CFB: variants seen among roughly 807,000 people sequenced by gnomAD.
CFB encodes B-factor, properdin.
Under a neutral mutation model 97.2 loss-of-function variants are expected in CFB, and 59 were observed. The ratio of observed to expected loss-of-function variants is 0.61; its 90% CI spans 0.49 to 0.75. The LOEUF is 0.75. Ranked by LOEUF, CFB falls within the 30% of genes least tolerant of loss-of-function variation. The pLI, the probability that CFB is intolerant of heterozygous loss-of-function variation, is 0.00. For missense variants in CFB, 771 were observed against 959.8 expected, an observed-to-expected ratio of 0.80 and a Z score of 2.60; for synonymous variants, 316 against 351.7, an observed-to-expected ratio of 0.90 and a Z score of 1.14.
chr6:31,947,374 C>A lies in CFB; in HGVS notation c.511C>A (p.Pro171Thr), dbSNP rs1418127711. ...GGGGTACTGCTCCAACCCGGGCATC[C>A]CCATTGGCACAAGGAAGGTGGGCAG... The part of the protein sequence containing the change: ...GAGYCSNPGI[P>T]IGTRKVGSQY... The change falls in exon 4 of 18, where the codon CCC (proline) becomes ACC (threonine). Residue 171 changes from proline to threonine, a missense_variant. Coordinates refer to ENST00000425368, the MANE Select transcript of CFB (RefSeq NM_001710.6). The surrounding 1 kb of genome is among the most constrained non-coding windows in gnomAD (Gnocchi z 5.3). 2 of 1,613,018 alleles carry A rather than the reference C, an allele frequency of 1.2e-6. No homozygotes were observed. Among genetic ancestry groups the A allele is most frequent in the Non-Finnish European group, 1.7e-6 (2 of 1,180,008 alleles).
chr6:31,950,459 C>T, intron 12 of CFB, 56 bp downstream of exon 12: 3 of 1,570,640 alleles, frequency 1.9e-6, no homozygotes, highest in Non-Finnish European at 2.6e-6. Context: ...GCAACACCTC[C>T]CACTTTCTAC....
Position 31,946,137 on chromosome 6 carries a change from G to A in CFB, c.-85G>A, listed in dbSNP as rs1273767518. ...AGGTCTAGGTCTGGAGTTTCAGCTTGGACACTGAGCCAAGCAGACAAGCAA... is the reference window on the plus strand; with the variant it reads ...AGGTCTAGGTCTGGAGTTTCAGCTTAGACACTGAGCCAAGCAGACAAGCAA... On this transcript the variant is annotated 5_prime_UTR_variant, in exon 1 of 18. Coordinates refer to ENST00000425368, the MANE Select transcript of CFB (RefSeq NM_001710.6). This position sits in a 1 kb window ranked among gnomAD's most constrained non-coding sequence, Gnocchi z 6.4. The A allele has an allele frequency of 7.2e-7, 1 of 1,393,806 alleles. No homozygotes were observed. The highest frequency in any genetic ancestry group is 1.4e-5 in the African/African-American group (1 of 70,382). The allele number at this position is 1,393,806 out of a possible 1,614,324, so 86.3% of individuals were successfully genotyped here.
intron 9 of CFB, 33 bp downstream of exon 9, chr6:31,949,377 T>C (rs1260308269): frequency 3.1e-6 from 5 of 1,614,168 alleles, no homozygotes; most frequent in Non-Finnish European, 3.4e-6. Flanking sequence ...AGCACCCCAC[T>C]TCCTCAGGGC....
At chr6:31,950,465 TCTACAGATC>T in intron 12 of CFB, 62 bp downstream of exon 12, 2 of 1,571,038 alleles carry the variant, frequency 1.3e-6, no homozygotes, top group Non-Finnish European at 1.7e-6. Flanking sequence ...CCTCCCACTT[TCTACAGATC>T]CTACACTCCA....
At position 31,947,526 on chromosome 6, in the gene CFB, C is replaced by T; in HGVS notation, c.658+5C>T. The T allele has an allele frequency of 6.2e-7, 1 of 1,612,848 alleles. No homozygotes were observed. The highest frequency in any genetic ancestry group is 8.5e-7 in the Non-Finnish European group (1 of 1,180,008). On this transcript the variant is annotated splice_donor_5th_base_variant and intron_variant, in intron 4 of 17. Coordinates refer to ENST00000425368, the MANE Select transcript of CFB (RefSeq NM_001710.6). The surrounding 1 kb of genome is among the most constrained non-coding windows in gnomAD (Gnocchi z 5.3). Reference sequence around the variant, plus strand: ...GGACGGAGCCTTCCTGCCAAGGTGACCTTTGACCTGTACCCCCAGGTCAGA... The same window carrying T: ...GGACGGAGCCTTCCTGCCAAGGTGATCTTTGACCTGTACCCCCAGGTCAGA...
intron 6 of CFB, 34 bp from the exon 7 acceptor site, chr6:31,948,340 C>T: frequency 6.2e-7 from 1 of 1,614,120 alleles, no homozygotes; most frequent in Non-Finnish European, 8.5e-7. Flanking sequence ...ATTCTATTTT[C>T]AATGCCATGG....
Position 31,948,059 on chromosome 6 carries a change from G to A in CFB, c.875G>A (p.Cys292Tyr). The A allele has an allele frequency of 1.2e-6, 2 of 1,614,158 alleles. No homozygotes were observed. Among genetic ancestry groups the A allele is most frequent in the South Asian group, 2.2e-5 (2 of 91,082 alleles). Residue 292 changes from cysteine (C) to tyrosine (Y), a missense_variant, in exon 6 of 18, where the codon TGT becomes TAT. Physicochemically the swap from Cys to Tyr is radical, Grantham distance 194. Coordinates refer to ENST00000425368, the MANE Select transcript of CFB (RefSeq NM_001710.6). ...GASNFTGAKK[C>Y]LVNLIEKVAS... The stretch of plus-strand genomic sequence containing the variant: ...AGCAACTTCACAGGAGCCAAAAAGT[G>A]TCTAGTCAACTTAATTGAGAAGGTG...
In CFB at chr6:31,946,337, C is replaced by T; in HGVS notation, c.65-36C>T. 6.2e-7 allele frequency: 1 copy of T among 1,613,018 alleles called. No individual in the cohort carries two copies. Among genetic ancestry groups the T allele is most frequent in the East Asian group, 2.2e-5 (1 of 44,884 alleles). ...GCTGTCTCCAGCATCCCTCCTTGGC[C>T]TTTTGGGGCCAGGCTTCATCAGCCT... On this transcript the variant is annotated intron_variant, in intron 1 of 17. Coordinates refer to ENST00000425368, the MANE Select transcript of CFB (RefSeq NM_001710.6). This position sits in a 1 kb window ranked among gnomAD's most constrained non-coding sequence, Gnocchi z 6.4.
chr6:31,948,862 A>G lies in CFB; in HGVS notation c.1069A>G (p.Lys357Glu), dbSNP rs143558190. The G allele has an allele frequency of 3.1e-6, 5 of 1,612,900 alleles. No homozygotes were observed. The African/African-American group carries it at 4.0e-5, about 13-fold the overall frequency. ...GTTGAAGTCAGGGACTAACACCAAG[A>G]AGGCCCTCCAGGCAGTGTACAGCAT... ...HKLKSGTNTKKALQAVYSMMS... is the reference protein window; with the variant it reads ...HKLKSGTNTKEALQAVYSMMS... Residue 357 changes from lysine (K) to glutamate (E), a missense_variant, in exon 8 of 18, where the codon AAG (lysine) becomes GAG (glutamate). By Grantham distance (56) the Lys-to-Glu change is moderately conservative (BLOSUM62 1). Transcript: ENST00000425368.
chr6:31,949,689 A>T, intron 10 of CFB, 132 bp downstream of exon 10: 1 of 1,118,908 alleles, frequency 8.9e-7, no homozygotes, highest in Non-Finnish European at 1.3e-6. Flanking sequence ...CCTCAGTGTC[A>T]CTATTCTTGT....
intron 10 of CFB, 141 bp from the exon 11 acceptor site, chr6:31,949,906 TCTC>T: frequency 1.2e-6 from 1 of 828,722 alleles, no homozygotes; most frequent in South Asian, 1.4e-5. Context: ...ATAGCAGTTT[TCTC>T]CTAACACGAG....
chr6:31,949,872 A>G, intron 10 of CFB, 178 bp from the exon 11 acceptor site: 1 of 740,518 alleles, frequency 1.4e-6, no homozygotes, highest in Non-Finnish European at 2.3e-6. Flanking sequence ...CTTGATCCCA[A>G]GTTCTTTCCC....
Position 31,951,513 on chromosome 6 carries a change from G to T in CFB, c.2089+40G>T. ...TTTGGTTGTGCTACAAGTGCCCAAG[G>T]CCCAACAGTCCTTTTCTCTACAGCT... On this transcript the variant is annotated intron_variant, in intron 16 of 17. Coordinates refer to ENST00000425368, the MANE Select transcript of CFB (RefSeq NM_001710.6). The surrounding 1 kb of genome is among the most constrained non-coding windows in gnomAD (Gnocchi z 4.3). 2 of 1,614,178 alleles carry T rather than the reference G, an allele frequency of 1.2e-6. No homozygotes were observed. The highest frequency in any genetic ancestry group is 1.3e-5 in the African/African-American group (1 of 75,022).
Position 31,951,928 on chromosome 6 carries a change from A to G in CFB, c.2193A>G (p.Gln731=), listed in dbSNP as rs1417578520. 2 of 1,613,128 alleles carry G rather than the reference A, an allele frequency of 1.2e-6. No homozygotes were observed. Among genetic ancestry groups the G allele is most frequent in the South Asian group, 1.1e-5 (1 of 91,086 alleles). Residue 731 remains glutamine (Q), a synonymous_variant, in exon 18 of 18, where the codon CAA becomes CAG. Transcript: ENST00000425368. The surrounding 1 kb of genome is among the most constrained non-coding windows in gnomAD (Gnocchi z 4.3). ...VVDVCKNQKR[Q]KQVPAHARDF... ...ATGTCTGCAAAAACCAGAAGCGGCA[A>G]AAGCAGGTACCTGCTCACGCCCGAG...
intron 10 of CFB, 57 bp downstream of exon 10, chr6:31,949,614 T>G: frequency 6.2e-7 from 1 of 1,601,964 alleles, no homozygotes; most frequent in Non-Finnish European, 8.5e-7. Context: ...CCTGAAGTAA[T>G]TCATTCTTCC....
In CFB at chr6:31,946,669, C is replaced by A; in HGVS notation, c.298+63C>A. 1 of 1,457,068 alleles carries A rather than the reference C, an allele frequency of 6.9e-7. No homozygotes were observed. Among genetic ancestry groups the A allele is most frequent in the Non-Finnish European group, 9.4e-7 (1 of 1,060,572 alleles). 90.3% of individuals were successfully genotyped at this position (1,457,068 alleles called of 1,614,324 possible). A position where few individuals can be genotyped will look rare whatever the true frequency, so the allele number is the denominator to read the frequency against. On this transcript the variant is annotated intron_variant, in intron 2 of 17. Coordinates refer to ENST00000425368, the MANE Select transcript of CFB (RefSeq NM_001710.6). This position sits in a 1 kb window ranked among gnomAD's most constrained non-coding sequence, Gnocchi z 6.4. ...GAAACAGGGCAGGCGGCAGCAAGGT[C>A]AGGACTAGGATGAGACTAGGCAGGG...
At position 31,951,565 on chromosome 6, in the gene CFB, C is replaced by A. The variant is rs116928087; in HGVS notation, c.2100C>A (p.Gly700=). Residue 700 remains glycine, a synonymous_variant, in exon 17 of 18, where the codon GGC becomes GGA. Coordinates refer to ENST00000425368, the MANE Select transcript of CFB (RefSeq NM_001710.6). This position sits in a 1 kb window ranked among gnomAD's most constrained non-coding sequence, Gnocchi z 4.3. ...ADPNTCRGDS[G]GPLIVHKRSR... is the part of the protein sequence containing the mutation. ...CTCCTCTCCTTGCAGGTGATTCTGG[C>A]GGCCCCTTGATAGTTCACAAGAGAA... The A allele has an allele frequency of 3.7e-6, 6 of 1,614,190 alleles. No homozygotes were observed. The highest frequency in any genetic ancestry group is 3.4e-6 in the Non-Finnish European group (4 of 1,180,038).
In CFB at chr6:31,949,434, G is replaced by A; in HGVS notation, c.1285G>A (p.Gly429Arg). 1.9e-6 allele frequency: 3 copies of A among 1,614,202 alleles called. No homozygotes were observed. The highest frequency in any genetic ancestry group is 2.5e-6 in the Non-Finnish European group (3 of 1,180,038). ...TTATCCCTCAGATGTCTATGTGTTT[G>A]GGGTCGGGCCTTTGGTGAACCAAGT... is the stretch of plus-strand genomic sequence containing the variant. ...REDYLDVYVF[G>R]VGPLVNQVNI... The change falls in exon 10 of 18, where the codon GGG becomes AGG. Residue 429 changes from glycine (G) to arginine (R), a missense_variant. Physicochemically the swap from Gly to Arg is moderately radical, Grantham distance 125 (BLOSUM62 -2). Transcript: ENST00000425368.
chr6:31,950,056 G>A lies in CFB; in HGVS notation c.1415G>A (p.Ser472Asn), dbSNP rs781735808. 3 of 1,613,048 alleles carry A rather than the reference G, an allele frequency of 1.9e-6. No homozygotes were observed. The highest frequency in any genetic ancestry group is 2.5e-6 in the Non-Finnish European group (3 of 1,180,026). Residue 472 changes from serine (S) to asparagine (N), a missense_variant, in exon 11 of 18, where the codon AGC (serine) becomes AAC (asparagine). Ser to Asn is a conservative substitution (Grantham distance 46). Coordinates refer to ENST00000425368, the MANE Select transcript of CFB (RefSeq NM_001710.6). Reference protein sequence around the residue: ...EDVFYQMIDESQSLSLCGMVW... With the variant: ...EDVFYQMIDENQSLSLCGMVW... ...CATTCTCCTTCTCTGCCAGATGAAA[G>A]CCAGTCTCTGAGTCTCTGTGGCATG...
Sources: gnomAD v4.1 joint callset for allele counts on GRCh38, gnomAD v4.1.1 for gene constraint, Gnocchi (gnomAD v3.1) non-coding constraint, MANE v1.5 for transcripts, NCBI Gene and HGNC (gene_info 2026-07-23, HGNC 2026-07-21) for gene names.